Variants in FRMD4A observed in about 807,000 individuals in gnomAD.
FRMD4A encodes the protein FERM domain containing 4A.
A neutral mutation model predicts 129.1 loss-of-function variants in FRMD4A; 29 were observed. The ratio of observed to expected loss-of-function variants is 0.22; its 90% CI spans 0.17 to 0.31. The LOEUF is 0.31. Ranked by LOEUF, FRMD4A falls within the 10% of genes least tolerant of loss-of-function variation. The probability of loss-of-function intolerance (pLI) is 1.00; values close to 1 mark genes in which losing one functional copy is unlikely to be tolerated. For missense variants in FRMD4A, 1,272 were observed against 1,375.8 expected (o/e 0.92, Z 1.19); for synonymous variants, 634 against 571.6 (o/e 1.11, Z -1.56).
intron 2 of FRMD4A, among the ~76,000 whole-genome samples, chr10:13,915,025 TAACAACAGC>T (rs2094984823): frequency 6.6e-6 from 1 of 151,720 alleles, no homozygotes; most frequent in South Asian, 2.1e-4. Flanking sequence ...AAAACAACAA[TAACAACAGC>T]AACAACAGCA....
chr10:13,942,529 G>T (rs963327237), intron 2 of FRMD4A, among the ~76,000 whole-genome samples: 2 of 152,188 alleles, frequency 1.3e-5, no homozygotes, highest in African/African-American at 4.8e-5. Flanking sequence ...GCATTTTGCT[G>T]ACCAAGCCCC....
intron 2 of FRMD4A, among the ~76,000 whole-genome samples, chr10:13,865,922 G>T (rs1458413052): frequency 6.6e-6 from 1 of 152,144 alleles, no homozygotes; most frequent in African/African-American, 2.4e-5. Context: ...CTGAGGGAAG[G>T]TACGGTGAGG....
intron 2 of FRMD4A, among the ~76,000 whole-genome samples, chr10:14,202,962 A>G (rs1027637163): frequency 6.6e-6 from 1 of 151,908 alleles, no homozygotes; most frequent in Non-Finnish European, 1.5e-5. Flanking sequence ...TCGTAGAGAC[A>G]GGGTTTTTCC....
At chr10:13,791,407 G>GTA (rs900264609) in intron 5 of FRMD4A, among the ~76,000 whole-genome samples, 3 of 150,798 alleles carry the variant, frequency 2.0e-5, no homozygotes, top group African/African-American at 7.3e-5. Flanking sequence ...TAAAAGGTGT[G>GTA]TGTGTGTGTG....
At chr10:13,907,778 C>T (rs551138475) in intron 2 of FRMD4A, among the ~76,000 whole-genome samples, 2 of 152,014 alleles carry the variant, frequency 1.3e-5, no homozygotes, top group South Asian at 4.2e-4. Context: ...TATTTACACA[C>T]TCATAAGTTG....
intron 2 of FRMD4A, among the ~76,000 whole-genome samples, chr10:13,921,199 G>C (rs2610812): frequency 0.91 from 138,602 of 151,910 alleles, 63,325 homozygotes; most frequent in Middle Eastern, 0.94. Flanking sequence ...GGGCTTTTTA[G>C]TTTTCTCTCT....
chr10:13,659,775 A>G (rs977051953), intron 20 of FRMD4A, among the ~76,000 whole-genome samples: 1 of 151,810 alleles, frequency 6.6e-6, no homozygotes, highest in African/African-American at 2.4e-5. Context: ...AGAAACAAAT[A>G]TTTACCTGTC....
chr10:14,252,985 T>C (rs1050582741), intron 2 of FRMD4A, among the ~76,000 whole-genome samples: 17 of 152,230 alleles, frequency 1.1e-4, no homozygotes, highest in African/African-American at 4.1e-4. Context: ...ACTCATGGAC[T>C]CCCACCTTAT....
At chr10:14,167,606 CAGTCCATTGCAAA>C (rs1487949547) in intron 2 of FRMD4A, among the ~76,000 whole-genome samples, 2 of 146,516 alleles carry the variant, frequency 1.4e-5, no homozygotes, top group South Asian at 4.3e-4. Context: ...GAGAGGCTCA[CAGTCCATTGCAAA>C]AGGCAATGGA....
At chr10:13,775,900 AT>A (rs1484207530) in intron 6 of FRMD4A, among the ~76,000 whole-genome samples, 7 of 85,748 alleles carry the variant, frequency 8.2e-5, no homozygotes, top group Non-Finnish European at 8.8e-5. Context: ...TAGTAACTAA[AT>A]AAGTGAAAGC....
At chr10:13,902,084 A>G (rs1328876255) in intron 2 of FRMD4A, among the ~76,000 whole-genome samples, 2 of 152,174 alleles carry the variant, frequency 1.3e-5, no homozygotes, top group Non-Finnish European at 2.9e-5. Flanking sequence ...TGGCGTGATC[A>G]TAGCTCACTG....
chr10:13,667,817 A>G (rs1279614733), intron 17 of FRMD4A: 1 of 152,260 alleles, frequency 6.6e-6, no homozygotes, highest in Non-Finnish European at 1.5e-5. Flanking sequence ...GAGAGGTAGA[A>G]TATTTGCCTA....
At chr10:14,290,013 C>G (rs527572048) in intron 2 of FRMD4A, among the ~76,000 whole-genome samples, 15 of 151,944 alleles carry the variant, frequency 9.9e-5, no homozygotes, top group African/African-American at 3.6e-4. Context: ...ATAATTACAT[C>G]AAATCAAATA....
At chr10:14,246,620 C>A (rs1051709153) in intron 2 of FRMD4A, among the ~76,000 whole-genome samples, 2 of 152,200 alleles carry the variant, frequency 1.3e-5, no homozygotes, top group East Asian at 3.9e-4. Context: ...CGCACACACA[C>A]GCACATACAG....
intron 2 of FRMD4A, among the ~76,000 whole-genome samples, chr10:13,913,212 T>C (rs1186491123): frequency 6.6e-5 from 10 of 152,130 alleles, no homozygotes; most frequent in Non-Finnish European, 1.2e-4. Context: ...AGTCCACTGA[T>C]ATGAAATGTG....
At chr10:13,927,558 T>A (rs765638367) in intron 2 of FRMD4A, among the ~76,000 whole-genome samples, 10 of 152,210 alleles carry the variant, frequency 6.6e-5, no homozygotes, top group African/African-American at 9.6e-5. Context: ...TACAAGGAGC[T>A]GGGAGATAAT....
intron 2 of FRMD4A, among the ~76,000 whole-genome samples, chr10:13,976,559 T>A (rs1032584086): frequency 6.7e-6 from 1 of 148,748 alleles, no homozygotes; most frequent in Non-Finnish European, 1.5e-5. Context: ...TTTTTTTTTT[T>A]AAGCAACAAA....
At chr10:14,243,830 TTAA>T (rs1844139022) in intron 2 of FRMD4A, among the ~76,000 whole-genome samples, 1 of 142,692 alleles carries the variant, frequency 7.0e-6, no homozygotes. Flanking sequence ...ATTACCACAA[TTAA>T]AAAAAAAAAA....
In FRMD4A at chr10:13,958,276, C is replaced by T. The variant is rs186743050; in HGVS notation, c.46-99364G>A. Reference sequence around the variant, plus strand: ...ACAGTCGCGTGAACAACAGCCATGACCATTGTTTTTTTTTTTTTTTTTTTT... The same window carrying T: ...ACAGTCGCGTGAACAACAGCCATGATCATTGTTTTTTTTTTTTTTTTTTTT... On this transcript the variant is annotated intron_variant, in intron 2 of 24. Coordinates refer to ENST00000357447, the MANE Select transcript of FRMD4A (RefSeq NM_018027.5). Among the ~76,000 whole-genome samples, 125 of 140,424 alleles carry T rather than the reference C, an allele frequency of 8.9e-4. 2 individuals are homozygous for T. The highest frequency in any genetic ancestry group is 3.3e-3 in the African/African-American group (121 of 36,996). The allele number at this position is 140,424 out of a possible 152,430, so 92.1% of individuals were successfully genotyped here.
Sources: gnomAD v4.1 joint callset for allele counts (sites outside exome capture counted in the v4.1 genomes callset) on GRCh38, gnomAD v4.1.1 for gene constraint, MANE v1.5 for transcripts, NCBI Gene and HGNC (gene_info 2026-07-23, HGNC 2026-07-21) for gene names.